RPS6KA2: variants seen among roughly 807,000 people sequenced by gnomAD.
RPS6KA2 encodes ribosomal protein S6 kinase A2, also known as ribosomal protein S6 kinase alpha-2.
In RPS6KA2, 42 loss-of-function variants were observed where a neutral mutation model predicts 91.8. The observed-to-expected ratio is 0.46, with a 90% CI of 0.36 to 0.59. The LOEUF (loss-of-function observed/expected upper bound fraction) is 0.59, where lower values mean the gene tolerates loss of function less well. RPS6KA2 is among the 20% of genes least tolerant of loss of function. The probability of loss-of-function intolerance (pLI) is 0.00; values close to 1 mark genes in which losing one functional copy is unlikely to be tolerated. For missense variants in RPS6KA2, 798 were observed against 978.5 expected (o/e 0.82, Z 2.46); for synonymous variants, 414 against 393.6 (o/e 1.05, Z -0.61).
chr6:166,538,007 G>T (rs1021030786), intron 2 of RPS6KA2, among the ~76,000 whole-genome samples: 3 of 152,246 alleles, frequency 2.0e-5, no homozygotes, highest in African/African-American at 7.2e-5. Context: ...TTTCCTGAAA[G>T]AAATTAGCTT....
At chr6:166,542,964 A>G (rs1783708475) in intron 1 of RPS6KA2, among the ~76,000 whole-genome samples, 1 of 152,216 alleles carries the variant, frequency 6.6e-6, no homozygotes, top group East Asian at 1.9e-4. Flanking sequence ...GCAGATTCAC[A>G]TGTAGGATAT....
intron 1 of RPS6KA2, among the ~76,000 whole-genome samples, chr6:166,624,650 C>T (rs1170424882): frequency 6.6e-6 from 1 of 152,122 alleles, no homozygotes; most frequent in Non-Finnish European, 1.5e-5. Context: ...GCCCAAGACC[C>T]GGTCCTCCAT....
chr6:166,551,115 T>C (rs961218528), intron 1 of RPS6KA2, among the ~76,000 whole-genome samples: 1 of 152,108 alleles, frequency 6.6e-6, no homozygotes, highest in South Asian at 2.1e-4. Context: ...GACATAAATA[T>C]GAAGGGTTCA....
At chr6:166,623,071 TTTGTC>T (rs1786701011) in intron 1 of RPS6KA2, among the ~76,000 whole-genome samples, 1 of 152,240 alleles carries the variant, frequency 6.6e-6, no homozygotes, top group Admixed American at 6.5e-5. Flanking sequence ...AGTCTCGCAT[TTTGTC>T]TTCCTCATTC....
chr6:166,515,977 G>C (rs1782630688), intron 3 of RPS6KA2, among the ~76,000 whole-genome samples: 2 of 152,166 alleles, frequency 1.3e-5, no homozygotes, highest in Admixed American at 1.3e-4. Flanking sequence ...CCTTTGCTTC[G>C]AGTTGTCCAA....
intron 7 of RPS6KA2, 72 bp from the exon 8 acceptor site, chr6:166,498,722 T>A: frequency 6.4e-7 from 1 of 1,572,428 alleles, no homozygotes; most frequent in South Asian, 1.1e-5. Flanking sequence ...CAGGCGGGCA[T>A]CAGCGTCCTT....
intron 2 of RPS6KA2, among the ~76,000 whole-genome samples, chr6:166,824,713 GTC>G (rs1178712154): frequency 7.5e-6 from 1 of 132,498 alleles, no homozygotes; most frequent in African/African-American, 2.8e-5. Context: ...GTGTGTGTGT[GTC>G]TGTGTGTATG....
intron 1 of RPS6KA2, among the ~76,000 whole-genome samples, chr6:166,548,613 G>C (rs561672214): frequency 6.6e-6 from 1 of 152,238 alleles, no homozygotes; most frequent in East Asian, 1.9e-4. Flanking sequence ...AATGATGCTG[G>C]AGCACTGGAC....
At chr6:166,687,063 G>A (rs984953872) in intron 2 of RPS6KA2, among the ~76,000 whole-genome samples, 3 of 152,196 alleles carry the variant, frequency 2.0e-5, no homozygotes, top group Non-Finnish European at 1.5e-5. Context: ...CATCTGCCCT[G>A]CCTTCACGGA....
chr6:166,787,746 T>C (rs1013581251), intron 2 of RPS6KA2, among the ~76,000 whole-genome samples: 4 of 152,030 alleles, frequency 2.6e-5, no homozygotes, highest in Non-Finnish European at 5.9e-5. Context: ...GGCAACACCA[T>C]TCAGGACATG....
chr6:166,692,156 CCT>C (rs1359055010), intron 2 of RPS6KA2, among the ~76,000 whole-genome samples: 2 of 151,914 alleles, frequency 1.3e-5, no homozygotes, highest in Non-Finnish European at 2.9e-5. Flanking sequence ...ACAAGTGTCC[CCT>C]GTCAAGATTT....
Position 166,726,780 on chromosome 6 carries a change from A to G in RPS6KA2, c.123+131420T>C, listed in dbSNP as rs1017537434. On this transcript the variant is annotated intron_variant, in intron 2 of 21. Transcript: ENST00000503859. The surrounding 1 kb of genome is among the most constrained non-coding windows in gnomAD (Gnocchi z 4.4). ...CAAAGCTTTAAAACTGAACACGGCA[A>G]CAACTCTAGGTGAGGAGTGTTTGGC... 6.6e-6 allele frequency among the ~76,000 whole-genome samples: 1 copy of G among 152,326 alleles called. No homozygotes were observed. Among genetic ancestry groups the G allele is most frequent in the African/African-American group, 2.4e-5 (1 of 41,574 alleles).
rs71032809 is a variant in RPS6KA2, at chr6:166,517,455, G to GTTT, written c.299-7101_299-7099dup. Among the ~76,000 whole-genome samples, 292 of 104,874 alleles carry GTTT rather than the reference G, an allele frequency of 2.8e-3. 5 individuals are homozygous for GTTT. The highest frequency in any genetic ancestry group is 4.9e-3 in the Middle Eastern group (1 of 204). The allele number at this position is 104,874 out of a possible 152,430, so 68.8% of individuals were successfully genotyped here. ...ACCACTTAAGGCGTTCTTTTGTTTT[G>GTTT]TTTTTTTTTTTTTTTTTTTTTTTTT... is the stretch of plus-strand genomic sequence containing the variant. On this transcript the variant is annotated intron_variant, in intron 3 of 20. Transcript: ENST00000265678.
intron 2 of RPS6KA2, among the ~76,000 whole-genome samples, chr6:166,537,113 C>T (rs1783504349): frequency 6.6e-6 from 1 of 152,278 alleles, no homozygotes; most frequent in South Asian, 2.1e-4. Flanking sequence ...CCAGACACTT[C>T]CTGGGCCTCC....
At chr6:166,473,607 T>C (rs1319250729) in intron 10 of RPS6KA2, among the ~76,000 whole-genome samples, 1 of 152,112 alleles carries the variant, frequency 6.6e-6, no homozygotes, top group Non-Finnish European at 1.5e-5. Context: ...TCCCAAAGGG[T>C]TTTGGTATCT....
At chr6:166,458,346 T>G (rs9457171) in intron 12 of RPS6KA2, among the ~76,000 whole-genome samples, 15 of 151,978 alleles carry the variant, frequency 9.9e-5, no homozygotes, top group African/African-American at 3.4e-4. Flanking sequence ...GGAGTTTCCC[T>G]GCACAAGCTC....
Position 166,505,389 on chromosome 6 carries a change from A to G in RPS6KA2, c.460-777T>C, listed in dbSNP as rs76744913. Among the ~76,000 whole-genome samples the G allele has an allele frequency of 2.0e-3, 305 of 152,270 alleles. 1 individual carries two copies. Among genetic ancestry groups the G allele is most frequent in the African/African-American group, 7.1e-3 (294 of 41,562 alleles). On this transcript the variant is annotated intron_variant, in intron 5 of 20. Transcript: ENST00000265678. ...ACAGACTCCAAAGCCATCGCCCCAT[A>G]ATGACTCATCCCCACCCCCGACTTG...
intron 1 of RPS6KA2, among the ~76,000 whole-genome samples, chr6:166,574,920 C>T (rs569482039): frequency 2.6e-5 from 4 of 152,076 alleles, no homozygotes; most frequent in African/African-American, 9.7e-5. Flanking sequence ...CACCAAGAAC[C>T]ACCAGGAAGA....
intron 2 of RPS6KA2, among the ~76,000 whole-genome samples, chr6:166,822,951 G>T (rs1779939966): frequency 6.6e-6 from 1 of 152,212 alleles, no homozygotes; most frequent in Admixed American, 6.5e-5. Flanking sequence ...AAGTATTCCA[G>T]TTCATCAATG....
Sources: allele counts gnomAD v4.1 joint callset (sites outside exome capture counted in the v4.1 genomes callset), GRCh38; gene constraint gnomAD v4.1.1; non-coding constraint Gnocchi (gnomAD v3.1); transcripts MANE v1.5; gene names NCBI Gene and HGNC (gene_info 2026-07-23, HGNC 2026-07-21).